Variants in ARHGAP28 observed in about 807,000 individuals in gnomAD.
The protein encoded by ARHGAP28 is rho GTPase-activating protein 28.
In ARHGAP28, 56 loss-of-function variants were observed where a neutral mutation model predicts 90.7. The ratio of observed to expected loss-of-function variants is 0.62; its 90% CI spans 0.50 to 0.77. ARHGAP28 has a LOEUF of 0.77. Ranked by LOEUF, ARHGAP28 falls within the 30% of genes least tolerant of loss-of-function variation. The probability of loss-of-function intolerance (pLI) is 0.00; values close to 1 mark genes in which losing one functional copy is unlikely to be tolerated. For synonymous variants in ARHGAP28, 308 were observed against 323.3 expected, an observed-to-expected ratio of 0.95 and a Z score of 0.51; for missense variants, 869 against 900.9, an observed-to-expected ratio of 0.96 and a Z score of 0.45.
intron 1 of ARHGAP28, among the ~76,000 whole-genome samples, chr18:6,795,649 AAC>A (rs2056436659): frequency 6.6e-6 from 1 of 152,172 alleles, no homozygotes; most frequent in Non-Finnish European, 1.5e-5. Flanking sequence ...TGTTTCCAGA[AAC>A]ACAGCCTATA....
chr18:6,793,627 T>C (rs2056421191), intron 1 of ARHGAP28, among the ~76,000 whole-genome samples: 1 of 152,188 alleles, frequency 6.6e-6, no homozygotes, highest in Non-Finnish European at 1.5e-5. Flanking sequence ...TGTAAAGTCA[T>C]AATGCGAATT....
chr18:6,823,314 G>A (rs922722397), intron 1 of ARHGAP28, among the ~76,000 whole-genome samples: 1 of 151,922 alleles, frequency 6.6e-6, no homozygotes, highest in Non-Finnish European at 1.5e-5. Flanking sequence ...TCTAGTATTC[G>A]TCTTTTTGTG....
At chr18:6,807,443 G>C (rs2056526897) in intron 1 of ARHGAP28, among the ~76,000 whole-genome samples, 1 of 151,888 alleles carries the variant, frequency 6.6e-6, no homozygotes, top group Non-Finnish European at 1.5e-5. Flanking sequence ...ATATTTTTGA[G>C]CTTTGTTCTG....
At chr18:6,910,986 AGGC>A (rs2057394962) in intron 17 of ARHGAP28, among the ~76,000 whole-genome samples, 1 of 151,800 alleles carries the variant, frequency 6.6e-6, no homozygotes, top group Non-Finnish European at 1.5e-5. Context: ...CTGGGATTAC[AGGC>A]GCCCATCACC....
chr18:6,730,035 G>A lies in ARHGAP28; in HGVS notation c.122+92G>A, dbSNP rs1054535040. 3.3e-6 allele frequency: 4 copies of A among 1,194,338 alleles called. No individual in the cohort carries two copies. The South Asian group carries it at 1.1e-4, about 32-fold the overall frequency. 74.0% of individuals were successfully genotyped at this position (1,194,338 alleles called of 1,614,324 possible). ...GCGCCTTGTGCCTGAGCGCACGACC[G>A]CCGTCACTGGATGTTGTTTCAAGTT... is the stretch of plus-strand genomic sequence containing the variant. On this transcript the variant is annotated intron_variant, in intron 1 of 17. Transcript: ENST00000383472.
At position 6,896,538 on chromosome 18, in the gene ARHGAP28, C is replaced by A; in HGVS notation, c.1942C>A (p.Pro648Thr). Residue 648 changes from proline (P) to threonine (T), a missense_variant, in exon 16 of 18, where the codon CCA (proline) becomes ACA (threonine). Pro to Thr is a conservative substitution (Grantham distance 38). Transcript: ENST00000383472. ...VPEGVIRVHA[P>T]LLSKVSMAIQ... Reference sequence around the variant, plus strand: ...GGAAGGAGTCATACGGGTCCATGCTCCACTTCTCTCCAAGGTGTCCATGGC... The same window carrying A: ...GGAAGGAGTCATACGGGTCCATGCTACACTTCTCTCCAAGGTGTCCATGGC... The A allele has an allele frequency of 6.2e-7, 1 of 1,614,144 alleles. No individual in the cohort carries two copies. Among genetic ancestry groups the A allele is most frequent in the Non-Finnish European group, 8.5e-7 (1 of 1,180,016 alleles).
chr18:6,768,684 T>G (rs1229586899), intron 1 of ARHGAP28, among the ~76,000 whole-genome samples: 1 of 152,208 alleles, frequency 6.6e-6, no homozygotes, highest in African/African-American at 2.4e-5. Flanking sequence ...TTAATTGAGC[T>G]CTTTGTCTCT....
intron 1 of ARHGAP28, among the ~76,000 whole-genome samples, chr18:6,747,734 ATTTAAT>A (rs945084151): frequency 3.3e-5 from 5 of 152,222 alleles, no homozygotes; most frequent in Admixed American, 3.3e-4. Flanking sequence ...GAAGTAGCTG[ATTTAAT>A]AGCTACTAAT....
At chr18:6,801,211 T>G (rs1227388232) in intron 1 of ARHGAP28, among the ~76,000 whole-genome samples, 5 of 152,214 alleles carry the variant, frequency 3.3e-5, no homozygotes, top group Admixed American at 3.3e-4. Flanking sequence ...TGGAAGGCCT[T>G]TAAATTTTTT....
At chr18:6,777,586 T>G (rs1000579259) in intron 1 of ARHGAP28, among the ~76,000 whole-genome samples, 42 of 152,012 alleles carry the variant, frequency 2.8e-4, no homozygotes, top group African/African-American at 9.2e-4. Context: ...TTAGCAGGTC[T>G]TGGTGGCATT....
At chr18:6,804,233 T>C (rs771818003) in intron 1 of ARHGAP28, among the ~76,000 whole-genome samples, 1 of 152,238 alleles carries the variant, frequency 6.6e-6, no homozygotes, top group Non-Finnish European at 1.5e-5. Context: ...GGCATAAAGT[T>C]ATTTGTAATA....
intron 1 of ARHGAP28, among the ~76,000 whole-genome samples, chr18:6,753,955 A>T (rs1160013394): frequency 1.3e-5 from 2 of 152,212 alleles, no homozygotes. Context: ...GCACTAGCAC[A>T]TTTCTTCTTC....
At chr18:6,730,540 A>G (rs1168556841) in intron 1 of ARHGAP28, among the ~76,000 whole-genome samples, 3 of 152,198 alleles carry the variant, frequency 2.0e-5, no homozygotes, top group South Asian at 2.1e-4. Context: ...TATGCTGTCA[A>G]TGCAATTATA....
intron 2 of ARHGAP28, among the ~76,000 whole-genome samples, chr18:6,830,075 CTCT>C (rs1179934104): frequency 1.3e-5 from 2 of 152,126 alleles, no homozygotes; most frequent in East Asian, 1.9e-4. Context: ...TGTGTTTCTT[CTCT>C]TCTTCTTATA....
At chr18:6,744,265 C>T (rs765786184) in intron 1 of ARHGAP28, among the ~76,000 whole-genome samples, 15 of 152,064 alleles carry the variant, frequency 9.9e-5, no homozygotes, top group Non-Finnish European at 2.1e-4. Flanking sequence ...ACCACAGATG[C>T]TGGTATTGCT....
At chr18:6,753,925 A>G (rs552775061) in intron 1 of ARHGAP28, among the ~76,000 whole-genome samples, 1 of 152,188 alleles carries the variant, frequency 6.6e-6, no homozygotes, top group African/African-American at 2.4e-5. Context: ...TGTGACTAGG[A>G]TTTGCTCAAA....
At chr18:6,792,812 A>G (rs1260568063) in intron 1 of ARHGAP28, among the ~76,000 whole-genome samples, 1 of 152,174 alleles carries the variant, frequency 6.6e-6, no homozygotes, top group Non-Finnish European at 1.5e-5. Context: ...TTTTTTCCTC[A>G]GAACTATAGG....
chr18:6,739,935 A>G (rs2143168853), intron 1 of ARHGAP28, among the ~76,000 whole-genome samples: 1 of 151,368 alleles, frequency 6.6e-6, no homozygotes, highest in Non-Finnish European at 1.5e-5. Flanking sequence ...GCTCACCGCA[A>G]CTTCCACCTC....
chr18:6,797,632 G>T (rs1387530690), intron 1 of ARHGAP28, among the ~76,000 whole-genome samples: 2 of 151,390 alleles, frequency 1.3e-5, no homozygotes, highest in Non-Finnish European at 1.5e-5. Context: ...CTAGAGAACA[G>T]TGATTAACTT....
Sources: allele counts gnomAD v4.1 joint callset (sites outside exome capture counted in the v4.1 genomes callset), GRCh38; gene constraint gnomAD v4.1.1; transcripts MANE v1.5; gene names NCBI Gene and HGNC (gene_info 2026-07-23, HGNC 2026-07-21).